ANKS1B: variants seen among roughly 807,000 people sequenced by gnomAD.
The protein encoded by ANKS1B is ankyrin repeat and sterile alpha motif domain-containing protein 1B.
A neutral mutation model predicts 148.3 loss-of-function variants in ANKS1B; 36 were observed. That is an observed-to-expected ratio of 0.24 (90% CI 0.19 to 0.32). ANKS1B has a LOEUF of 0.32. ANKS1B is among the 10% of genes least tolerant of loss of function. The pLI, the probability that ANKS1B is intolerant of heterozygous loss-of-function variation, is 1.00. For missense variants in ANKS1B, 1,157 were observed against 1,542.6 expected (o/e 0.75, Z 4.19); for synonymous variants, 542 against 560.8 (o/e 0.97, Z 0.47).
intron 14 of ANKS1B, among the ~76,000 whole-genome samples, chr12:99,222,308 A>G (rs368156889): frequency 5.9e-5 from 9 of 152,306 alleles, no homozygotes; most frequent in African/African-American, 2.2e-4. Flanking sequence ...AAACTTTTAT[A>G]CTTTCTTACA....
intron 10 of ANKS1B, among the ~76,000 whole-genome samples, chr12:99,478,365 T>G (rs1025684437): frequency 6.6e-6 from 1 of 152,144 alleles, no homozygotes. Context: ...TGGGTAGTAT[T>G]TGAATGGCTG....
intron 19 of ANKS1B, among the ~76,000 whole-genome samples, chr12:98,827,503 T>C (rs970045706): frequency 1.3e-4 from 20 of 152,154 alleles, no homozygotes; most frequent in Non-Finnish European, 2.8e-4. Flanking sequence ...ACAATTCTCA[T>C]AAGGGATGCA....
At chr12:99,254,849 A>G (rs190960893) in intron 12 of ANKS1B, among the ~76,000 whole-genome samples, 14 of 152,342 alleles carry the variant, frequency 9.2e-5, no homozygotes, top group Non-Finnish European at 1.6e-4. Context: ...TTAATGGGAT[A>G]CCAACAGGAT....
intron 16 of ANKS1B, among the ~76,000 whole-genome samples, chr12:99,064,634 C>G (rs2043487981): frequency 6.6e-6 from 1 of 152,218 alleles, no homozygotes; most frequent in Non-Finnish European, 1.5e-5. Context: ...GTGAGAGCTA[C>G]TAGTCAGGCA....
intron 9 of ANKS1B, among the ~76,000 whole-genome samples, chr12:99,613,799 A>G (rs1326990934): frequency 1.3e-5 from 2 of 151,988 alleles, no homozygotes; most frequent in African/African-American, 4.8e-5. Flanking sequence ...ACAAACTCCC[A>G]TGACACACGT....
At chr12:99,515,642 G>C (rs2096810845) in intron 9 of ANKS1B, among the ~76,000 whole-genome samples, 2 of 151,962 alleles carry the variant, frequency 1.3e-5, no homozygotes, top group South Asian at 4.1e-4. Flanking sequence ...TATGGGAGTA[G>C]AGCCATCTCT....
At chr12:99,043,470 A>G (rs1370613122) in intron 17 of ANKS1B, among the ~76,000 whole-genome samples, 1 of 152,212 alleles carries the variant, frequency 6.6e-6, no homozygotes, top group Non-Finnish European at 1.5e-5. Flanking sequence ...AAATTGCTTT[A>G]GGGTTCAGTA....
At chr12:99,869,270 A>C (rs2091169690) in intron 1 of ANKS1B, among the ~76,000 whole-genome samples, 1 of 152,172 alleles carries the variant, frequency 6.6e-6, no homozygotes, top group Admixed American at 6.5e-5. Flanking sequence ...AAGTGGGAGG[A>C]GGTACACCAT....
chr12:98,973,181 A>C (rs2153218015), intron 17 of ANKS1B, among the ~76,000 whole-genome samples: 1 of 151,520 alleles, frequency 6.6e-6, no homozygotes, highest in South Asian at 2.1e-4. Flanking sequence ...TAAGTTGGGT[A>C]TTATTACATT....
At chr12:98,788,053 G>A (rs1041875510) in intron 22 of ANKS1B, among the ~76,000 whole-genome samples, 2 of 152,110 alleles carry the variant, frequency 1.3e-5, no homozygotes, top group Non-Finnish European at 2.9e-5. Flanking sequence ...AAAGCTTGCA[G>A]GAGGACCACA....
chr12:99,968,287 G>C (rs575719642), intron 1 of ANKS1B, among the ~76,000 whole-genome samples: 18 of 152,324 alleles, frequency 1.2e-4, no homozygotes, highest in African/African-American at 3.6e-4. Flanking sequence ...GCTGGGTGTG[G>C]TGGCTGACGC....
intron 5 of ANKS1B, among the ~76,000 whole-genome samples, chr12:99,781,191 C>T (rs900934902): frequency 3.3e-5 from 5 of 151,866 alleles, no homozygotes; most frequent in African/African-American, 1.2e-4. Context: ...TAGGTGGTTT[C>T]CTCAAATCAT....
rs1170358602 is a variant in ANKS1B, at chr12:99,646,903, G to C, written c.1272+8164C>G. Among the ~76,000 whole-genome samples, 19 of 150,918 alleles carry C rather than the reference G, an allele frequency of 1.3e-4. 1 individual carries two copies. ...AGGCTCTTTTCATTCCATAGCCAGG[G>C]TATGAATGTCTAGGTAAAACTCAAA... On this transcript the variant is annotated intron_variant, in intron 9 of 26. Transcript: ENST00000683438.
intron 17 of ANKS1B, among the ~76,000 whole-genome samples, chr12:98,908,634 A>C (rs1481801118): frequency 6.6e-6 from 1 of 152,176 alleles, no homozygotes; most frequent in Non-Finnish European, 1.5e-5. Flanking sequence ...GTTAGGAAGA[A>C]ATCTTTTGGT....
chr12:99,329,893 C>G (rs1312211876), intron 12 of ANKS1B, among the ~76,000 whole-genome samples: 3 of 151,906 alleles, frequency 2.0e-5, no homozygotes, highest in Non-Finnish European at 4.4e-5. Flanking sequence ...ATGTTTACAT[C>G]ATATGATGTA....
chr12:99,435,932 G>A (rs974067680), intron 11 of ANKS1B, among the ~76,000 whole-genome samples: 1 of 151,966 alleles, frequency 6.6e-6, no homozygotes, highest in Non-Finnish European at 1.5e-5. Context: ...ATTCATATTT[G>A]TCAACGTTGA....
intron 14 of ANKS1B, among the ~76,000 whole-genome samples, chr12:99,219,180 TTTC>T (rs2084700123): frequency 6.6e-6 from 1 of 152,114 alleles, no homozygotes; most frequent in African/African-American, 2.4e-5. Context: ...TTTAGGCAGG[TTTC>T]TTCCTGACTA....
At chr12:99,655,304 T>C (rs2098444670) in intron 8 of ANKS1B, 94 bp from the exon 9 acceptor site, 2 of 1,180,490 alleles carry the variant, frequency 1.7e-6, no homozygotes, top group Non-Finnish European at 1.2e-6. Flanking sequence ...GTGGTATATC[T>C]CGGCAAACAA....
chr12:99,411,034 AG>A (rs1004266451), intron 11 of ANKS1B, among the ~76,000 whole-genome samples: 2 of 152,236 alleles, frequency 1.3e-5, no homozygotes, highest in Admixed American at 6.5e-5. Flanking sequence ...GTTTCTGGGC[AG>A]GCCAGGGGCA....
Sources: gnomAD v4.1 joint callset for allele counts (sites outside exome capture counted in the v4.1 genomes callset) on GRCh38, gnomAD v4.1.1 for gene constraint, MANE v1.5 for transcripts, NCBI Gene and HGNC (gene_info 2026-07-23, HGNC 2026-07-21) for gene names.